HMGCLL1: variants seen among roughly 807,000 people sequenced by gnomAD.
HMGCLL1 encodes 3-hydroxy-3-methylglutaryl-CoA lyase like 1.
HMGCLL1 carries 36 observed loss-of-function variants against 39.1 expected under a neutral mutation model. The observed-to-expected ratio is 0.92, with a 90% CI of 0.71 to 1.22. The LOEUF is 1.22. HMGCLL1 is among the 50% of genes most tolerant of loss of function. HMGCLL1 has a pLI of 0.00. For synonymous variants in HMGCLL1, 149 were observed against 144.0 expected, an observed-to-expected ratio of 1.03 and a Z score of -0.25; for missense variants, 451 against 416.5, an observed-to-expected ratio of 1.08 and a Z score of -0.72.
At chr6:55,615,916 C>T in the HMGCLL1 span, among the ~76,000 whole-genome samples, 8 of 152,050 alleles carry the variant, frequency 5.3e-5, no homozygotes, top group Non-Finnish European at 8.8e-5. Context: ...AGAAAGTTGG[C>T]ATAATGACTG....
chr6:55,439,528 GAT>G lies in HMGCLL1; in HGVS notation c.825_826del (p.Ser276ArgfsTer18). On this transcript the variant is annotated frameshift_variant, in exon 8 of 9. Transcript: ENST00000274901. LOFTEE classifies it high-confidence loss of function. ...TGCATAAGGGCAGCCACCTAATCCG[GAT>G]ACTGCGGAGTCCACCACATTAATTC... The G allele has an allele frequency of 6.2e-7, 1 of 1,612,944 alleles. No individual in the cohort carries two copies. The highest frequency in any genetic ancestry group is 1.1e-5 in the South Asian group (1 of 91,024).
intron 3 of HMGCLL1, 50 bp from the exon 4 acceptor site, chr6:55,516,653 C>G: frequency 8.1e-7 from 1 of 1,227,982 alleles, no homozygotes. Context: ...AATATGTTAC[C>G]GAGAATCATT....
intron 1 of HMGCLL1, among the ~76,000 whole-genome samples, chr6:55,572,765 T>G (rs1771578157): frequency 6.6e-6 from 1 of 152,218 alleles, no homozygotes. Flanking sequence ...TTATATAATC[T>G]TTCAATAATG....
At chr6:55,446,230 A>G (rs532018339) in intron 7 of HMGCLL1, among the ~76,000 whole-genome samples, 2 of 149,116 alleles carry the variant, frequency 1.3e-5, no homozygotes, top group Non-Finnish European at 3.0e-5. Context: ...AATTATATAC[A>G]TATTTATATA....
the HMGCLL1 span, among the ~76,000 whole-genome samples, chr6:55,631,753 T>C: frequency 3.3e-5 from 5 of 152,150 alleles, no homozygotes; most frequent in Non-Finnish European, 7.4e-5. Context: ...GGAATTGATA[T>C]ATGTATTCTA....
intron 3 of HMGCLL1, among the ~76,000 whole-genome samples, chr6:55,532,469 C>T (rs1371535413): frequency 6.6e-6 from 1 of 151,918 alleles, no homozygotes; most frequent in Non-Finnish European, 1.5e-5. Flanking sequence ...TATTTTCCCC[C>T]ATTTTATTGC....
intron 1 of HMGCLL1, among the ~76,000 whole-genome samples, chr6:55,570,759 T>C (rs1394948679): frequency 6.6e-6 from 1 of 152,220 alleles, no homozygotes; most frequent in Non-Finnish European, 1.5e-5. Flanking sequence ...AGCTCACTTA[T>C]TAAGTCTGTG....
chr6:55,568,587 G>C (rs1200391251), intron 1 of HMGCLL1, among the ~76,000 whole-genome samples: 1 of 152,090 alleles, frequency 6.6e-6, no homozygotes, highest in African/African-American at 2.4e-5. Context: ...GGCTCACCTA[G>C]GCTGATAATT....
intron 5 of HMGCLL1, chr6:55,512,372 T>A (rs1331821070): frequency 6.6e-6 from 1 of 152,122 alleles, no homozygotes; most frequent in Non-Finnish European, 1.5e-5. Context: ...TTGAGACAAC[T>A]TATTTATATT....
chr6:55,619,782 TA>T, the HMGCLL1 span, among the ~76,000 whole-genome samples: 2 of 152,112 alleles, frequency 1.3e-5, no homozygotes, highest in Non-Finnish European at 2.9e-5. Flanking sequence ...TATCAAATAG[TA>T]GATCTTACTC....
chr6:55,603,920 C>T, the HMGCLL1 span, among the ~76,000 whole-genome samples: 15 of 152,006 alleles, frequency 9.9e-5, no homozygotes, highest in African/African-American at 3.6e-4. Flanking sequence ...GTTTTCTCAG[C>T]AAAAATACTC....
At chr6:55,436,101 GA>G (rs775253870) in intron 8 of HMGCLL1, among the ~76,000 whole-genome samples, 9 of 151,518 alleles carry the variant, frequency 5.9e-5, no homozygotes, top group Non-Finnish European at 1.3e-4. Flanking sequence ...ATCAGCGAAG[GA>G]CAATCAAAAT....
intron 7 of HMGCLL1, among the ~76,000 whole-genome samples, chr6:55,453,808 T>C (rs1265187176): frequency 6.6e-6 from 1 of 152,180 alleles, no homozygotes; most frequent in African/African-American, 2.4e-5. Flanking sequence ...ATAAATTTAC[T>C]AGGTAAAATA....
chr6:55,624,406 TC>T, the HMGCLL1 span, among the ~76,000 whole-genome samples: 1 of 152,172 alleles, frequency 6.6e-6, no homozygotes, highest in East Asian at 1.9e-4. Flanking sequence ...TTGACAAATA[TC>T]TTTTCCTCCA....
intron 3 of HMGCLL1, among the ~76,000 whole-genome samples, chr6:55,531,834 T>TGAAC (rs1768698616): frequency 6.6e-6 from 1 of 152,190 alleles, no homozygotes; most frequent in Non-Finnish European, 1.5e-5. Context: ...TAATGCCTGA[T>TGAAC]GAACTGTCGC....
the HMGCLL1 span, among the ~76,000 whole-genome samples, chr6:55,655,526 A>C: frequency 7.8e-6 from 1 of 128,454 alleles, no homozygotes; most frequent in African/African-American, 2.9e-5. Flanking sequence ...ATAGGTAGGT[A>C]GTTATATTGG....
the HMGCLL1 span, among the ~76,000 whole-genome samples, chr6:55,613,532 A>G: frequency 4.6e-5 from 7 of 152,158 alleles, no homozygotes; most frequent in Non-Finnish European, 7.4e-5. Flanking sequence ...TAGCAAAGAC[A>G]TGGAACCAAC....
chr6:55,610,471 G>A, the HMGCLL1 span, among the ~76,000 whole-genome samples: 1 of 151,936 alleles, frequency 6.6e-6, no homozygotes, highest in Non-Finnish European at 1.5e-5. Context: ...AAGGCAGGCA[G>A]ACAAGATTAG....
chr6:55,489,619 G>T (rs188983154), intron 7 of HMGCLL1, among the ~76,000 whole-genome samples: 13 of 152,044 alleles, frequency 8.6e-5, no homozygotes, highest in African/African-American at 3.1e-4. Context: ...ATAATGAGTT[G>T]TACTGATTTT....
Sources: allele counts gnomAD v4.1 joint callset (sites outside exome capture counted in the v4.1 genomes callset), GRCh38; gene constraint gnomAD v4.1.1; transcripts MANE v1.5; gene names NCBI Gene and HGNC (gene_info 2026-07-23, HGNC 2026-07-21).